TTF2: variants seen among roughly 807,000 people sequenced by gnomAD.
TTF2 encodes RNA polymerase II termination factor.
TTF2 carries 108 observed loss-of-function variants against 142.4 expected under a neutral mutation model. That is an observed-to-expected ratio of 0.76 (90% CI 0.65 to 0.89). The LOEUF is 0.89. Ranked by LOEUF, TTF2 falls within the 40% of genes least tolerant of loss-of-function variation. The pLI is 0.00. For synonymous variants in TTF2, 483 were observed against 506.2 expected (o/e 0.95, Z 0.61); for missense variants, 1,327 against 1,379.8 (o/e 0.96, Z 0.61).
At chr1:117,062,004 C>T (rs1038280937) in intron 2 of TTF2, among the ~76,000 whole-genome samples, 1 of 152,118 alleles carries the variant, frequency 6.6e-6, no homozygotes, top group Non-Finnish European at 1.5e-5. Flanking sequence ...GTGTGAATAA[C>T]ACTAAGTGAC....
chr1:117,083,816 C>T (rs1040103755), intron 10 of TTF2, among the ~76,000 whole-genome samples: 1 of 152,114 alleles, frequency 6.6e-6, no homozygotes, highest in Non-Finnish European at 1.5e-5. Flanking sequence ...AGAGGTAATG[C>T]CTTTAAGTTA....
rs778850536 is a variant in TTF2, at chr1:117,075,435, A to T, written c.851A>T (p.Glu284Val). The T allele has an allele frequency of 2.7e-5, 44 of 1,614,052 alleles. No individual in the cohort carries two copies. In the Admixed American group the frequency reaches 7.3e-4, roughly 27 times the overall value. ...CAGAAAGGGGGACCCCTCAACAAGG[A>T]GTACACGAACTGGGAGGCTAAAGAA... Reference protein sequence around the residue: ...KPQKGGPLNKEYTNWEAKETK... With the variant: ...KPQKGGPLNKVYTNWEAKETK... Residue 284 changes from glutamate (E) to valine (V), a missense_variant, in exon 5 of 23, where the codon GAG (glutamate) becomes GTG (valine). Coordinates refer to ENST00000369466, the MANE Select transcript of TTF2 (RefSeq NM_003594.4). The surrounding 1 kb of genome is among the most constrained non-coding windows in gnomAD (Gnocchi z 4.5).
intron 19 of TTF2, among the ~76,000 whole-genome samples, chr1:117,095,735 C>G (rs945148709): frequency 6.6e-6 from 1 of 152,064 alleles, no homozygotes; most frequent in Non-Finnish European, 1.5e-5. Flanking sequence ...TAAAATAATT[C>G]AATATAAAAA....
Position 117,075,528 on chromosome 1 carries a change from A to T in TTF2, c.944A>T (p.Glu315Val). The T allele has an allele frequency of 6.2e-7, 1 of 1,614,114 alleles. No homozygotes were observed. ...AGCCTGCCTCAGGGGCATTTCCAAG[A>T]GCGGCCGGAGACCCACAGTGTGCCT... The part of the protein sequence containing the change: ...QKSLPQGHFQ[E>V]RPETHSVPAP... The change falls in exon 5 of 23, where the codon GAG (glutamate) becomes GTG (valine). Residue 315 changes from glutamate to valine, a missense_variant. Coordinates refer to ENST00000369466, the MANE Select transcript of TTF2 (RefSeq NM_003594.4). The surrounding 1 kb of genome is among the most constrained non-coding windows in gnomAD (Gnocchi z 4.5).
intron 18 of TTF2, among the ~76,000 whole-genome samples, 179 bp from the exon 19 acceptor site, chr1:117,095,130 G>GA (rs1452037758): frequency 7.2e-5 from 11 of 152,230 alleles, no homozygotes; most frequent in Non-Finnish European, 1.6e-4. Flanking sequence ...AGCCAGAGGG[G>GA]TGAAGTGACA....
intron 3 of TTF2, among the ~76,000 whole-genome samples, chr1:117,071,295 C>T (rs1340316355): frequency 6.6e-6 from 1 of 150,962 alleles, no homozygotes; most frequent in African/African-American, 2.4e-5. Context: ...ATGCAACATC[C>T]CATACAGTGG....
At chr1:117,083,555 A>T (rs1647725943) in intron 10 of TTF2, among the ~76,000 whole-genome samples, 1 of 152,242 alleles carries the variant, frequency 6.6e-6, no homozygotes, top group South Asian at 2.1e-4. Context: ...GAGTTAGGAA[A>T]TGATCCAGCT....
Position 117,075,060 on chromosome 1 carries a change from G to A in TTF2, c.476G>A (p.Gly159Glu), listed in dbSNP as rs147163097. 3.8e-5 allele frequency: 61 copies of A among 1,613,886 alleles called. No homozygotes were observed. Among genetic ancestry groups the A allele is most frequent in the Non-Finnish European group, 4.7e-5 (56 of 1,179,978 alleles). The change falls in exon 5 of 23, where the codon GGA becomes GAA. Residue 159 changes from glycine to glutamate, a missense_variant. Gly to Glu is a moderately conservative substitution (Grantham distance 98). Transcript: ENST00000369466. This position sits in a 1 kb window ranked among gnomAD's most constrained non-coding sequence, Gnocchi z 4.5. ...KKADKKQREK[G>E]DQLFDQKKEQ... ...GCTGATAAGAAGCAAAGAGAAAAGGGAGATCAGCTTTTCGATCAAAAGAAA... is the reference window on the plus strand; with the variant it reads ...GCTGATAAGAAGCAAAGAGAAAAGGAAGATCAGCTTTTCGATCAAAAGAAA...
rs1470552614 is a variant in TTF2, at chr1:117,088,935, T to C, written c.2295T>C (p.Thr765=). The C allele has an allele frequency of 1.9e-6, 3 of 1,613,528 alleles. No individual in the cohort carries two copies. The highest frequency in any genetic ancestry group is 2.5e-6 in the Non-Finnish European group (3 of 1,179,832). Residue 765 remains threonine, a synonymous_variant, in exon 13 of 23, where the codon ACT becomes ACC. Coordinates refer to ENST00000369466, the MANE Select transcript of TTF2 (RefSeq NM_003594.4). ...KLQACARWAV[T]GTPIQNNLLD... ...AAGCCTGTGCCCGTTGGGCTGTCACTGGAACCCCCATTCAAAACAACTTAT... is the reference window on the plus strand; with the variant it reads ...AAGCCTGTGCCCGTTGGGCTGTCACCGGAACCCCCATTCAAAACAACTTAT...
In TTF2 at chr1:117,076,314, A is replaced by G. The variant is rs1431139082; in HGVS notation, c.1390+20A>G. Reference sequence around the variant, plus strand: ...AGCAAGGTAAAGTGGCTTATGCCTCAGAACTCCGGGTTTGCATCGACTTTA... The same window carrying G: ...AGCAAGGTAAAGTGGCTTATGCCTCGGAACTCCGGGTTTGCATCGACTTTA... On this transcript the variant is annotated intron_variant, in intron 6 of 22. Coordinates refer to ENST00000369466, the MANE Select transcript of TTF2 (RefSeq NM_003594.4). This position sits in a 1 kb window ranked among gnomAD's most constrained non-coding sequence, Gnocchi z 4.6. 2 of 1,594,490 alleles carry G rather than the reference A, an allele frequency of 1.3e-6. No individual in the cohort carries two copies. The highest frequency in any genetic ancestry group is 1.7e-6 in the Non-Finnish European group (2 of 1,164,876).
chr1:117,069,785 A>C (rs147028752), intron 3 of TTF2, among the ~76,000 whole-genome samples: 28 of 152,306 alleles, frequency 1.8e-4, no homozygotes, highest in African/African-American at 6.7e-4. Flanking sequence ...TGGCAGTGTG[A>C]TGTTGAGTTG....
rs1022163635 is a variant in TTF2, at chr1:117,086,012, C to G, written c.2055-405C>G. 2.0e-5 allele frequency among the ~76,000 whole-genome samples: 3 copies of G among 152,186 alleles called. No individual in the cohort carries two copies. The highest frequency in any genetic ancestry group is 6.5e-5 in the Admixed American group (1 of 15,290). On this transcript the variant is annotated intron_variant, in intron 11 of 22. Transcript: ENST00000369466. The surrounding 1 kb of genome is among the most constrained non-coding windows in gnomAD (Gnocchi z 4.2). ...CCTGGGACTTTGGTGTCATCCATCT[C>G]AAATCATTATTAAATGTTAATTCCC... is the stretch of plus-strand genomic sequence containing the variant.
At chr1:117,094,771 A>G in intron 18 of TTF2, 1 of 398,350 alleles carries the variant, frequency 2.5e-6, no homozygotes, top group Non-Finnish European at 5.0e-6. Context: ...AGCAAGAGAT[A>G]ATAAGCAATT....
Position 117,076,721 on chromosome 1 carries a change from C to T in TTF2, c.1471C>T (p.Pro491Ser). 6.2e-7 allele frequency: 1 copy of T among 1,614,138 alleles called. No individual in the cohort carries two copies. The highest frequency in any genetic ancestry group is 8.5e-7 in the Non-Finnish European group (1 of 1,180,006). Residue 491 changes from proline (P) to serine (S), a missense_variant, in exon 7 of 23, where the codon CCT becomes TCT. Pro to Ser is a moderately conservative substitution (Grantham distance 74, BLOSUM62 -1). Transcript: ENST00000369466. This position sits in a 1 kb window ranked among gnomAD's most constrained non-coding sequence, Gnocchi z 4.6. ...KTTTGPPHLV[P>S]PQPLPRRGTQ... ...TACCACTGGCCCTCCCCACCTGGTG[C>T]CTCCCCAACCCCTTCCTCGTCGTGG...
intron 7 of TTF2, 138 bp from the exon 8 acceptor site, chr1:117,077,778 G>C: frequency 8.3e-7 from 1 of 1,208,254 alleles, no homozygotes; most frequent in Non-Finnish European, 1.2e-6. Flanking sequence ...AGAACTGCTA[G>C]AGACATGGAA....
chr1:117,079,760 T>A lies in TTF2; in HGVS notation c.1783+111T>A. The A allele has an allele frequency of 9.9e-7, 1 of 1,008,030 alleles. No homozygotes were observed. The highest frequency in any genetic ancestry group is 1.5e-6 in the Non-Finnish European group (1 of 656,730). The allele number at this position is 1,008,030 out of a possible 1,614,324, so 62.4% of individuals were successfully genotyped here. On this transcript the variant is annotated intron_variant, in intron 9 of 22. Transcript: ENST00000369466. The surrounding 1 kb of genome is among the most constrained non-coding windows in gnomAD (Gnocchi z 4.2). ...AAGAACTCTATGAGGCAGGTACTAT[T>A]ATTCCTCATTTTACAGATGATGAAA...
chr1:117,091,960 G>A lies in TTF2; in HGVS notation c.2805+10G>A, dbSNP rs568222948. 15 of 1,610,494 alleles carry A rather than the reference G, an allele frequency of 9.3e-6. No homozygotes were observed. In the South Asian group the frequency reaches 9.9e-5, roughly 11 times the overall value. On this transcript the variant is annotated intron_variant, in intron 17 of 22. Transcript: ENST00000369466. ...TTCTTTACTGAAGTCGGTAAGAAAA[G>A]CCCTCAGCCTGCTGTCATATAGTGC...
rs1031489956 is a variant in TTF2, at chr1:117,106,548, T to C, written c.*5024T>C. 6.6e-6 allele frequency: 1 copy of C among 152,226 alleles called. No homozygotes were observed. The highest frequency in any genetic ancestry group is 2.4e-5 in the African/African-American group (1 of 41,460). The allele number at this position is 152,226 out of a possible 1,614,324, so 9.4% of individuals were successfully genotyped here. A position where few individuals can be genotyped will look rare whatever the true frequency, so the allele number is the denominator to read the frequency against. Reference sequence around the variant, plus strand: ...ATAAAAGTAAGCAAAAATGAAAAACTATCCTGTCCTCCTGAGGCTTAGCAT... The same window carrying C: ...ATAAAAGTAAGCAAAAATGAAAAACCATCCTGTCCTCCTGAGGCTTAGCAT... On this transcript the variant is annotated 3_prime_UTR_variant, in exon 23 of 23. Coordinates refer to ENST00000369466, the MANE Select transcript of TTF2 (RefSeq NM_003594.4).
chr1:117,090,424 C>A lies in TTF2; in HGVS notation c.2497-108C>A. ...TCCTGTGTCTAAGAAAGGGTGGAAG[C>A]TGCATTCCAGGGTTGACTAGATATG... is the stretch of plus-strand genomic sequence containing the variant. On this transcript the variant is annotated intron_variant, in intron 14 of 22. Coordinates refer to ENST00000369466, the MANE Select transcript of TTF2 (RefSeq NM_003594.4). The surrounding 1 kb of genome is among the most constrained non-coding windows in gnomAD (Gnocchi z 4.8). 8.3e-7 allele frequency: 1 copy of A among 1,202,174 alleles called. No homozygotes were observed. The highest frequency in any genetic ancestry group is 1.2e-6 in the Non-Finnish European group (1 of 840,810). The allele number at this position is 1,202,174 out of a possible 1,614,324, so 74.5% of individuals were successfully genotyped here.
Sources: gnomAD v4.1 joint callset for allele counts (sites outside exome capture counted in the v4.1 genomes callset) on GRCh38, gnomAD v4.1.1 for gene constraint, Gnocchi (gnomAD v3.1) non-coding constraint, MANE v1.5 for transcripts, NCBI Gene and HGNC (gene_info 2026-07-23, HGNC 2026-07-21) for gene names.